The following WWOX variants were observed in gnomAD, a reference collection of about 807,000 sequenced individuals.
WWOX encodes the protein WW domain containing oxidoreductase.
In WWOX, 69 loss-of-function variants were observed where a neutral mutation model predicts 46.2. The observed-to-expected ratio is 1.49, with a 90% confidence interval of 1.23 to 1.82. The LOEUF (loss-of-function observed/expected upper bound fraction) is 1.82. Among genes scored for constraint, WWOX ranks in the 40% most tolerant of loss-of-function variants. WWOX has a pLI of 0.00. For missense variants in WWOX, 919 were observed against 542.6 expected (o/e 1.69, Z -6.89); for synonymous variants, 359 against 202.6 (o/e 1.77, Z -6.56).
Position 78,671,621 on chromosome 16 carries a change from A to T in WWOX, c.1056+238869A>T, listed in dbSNP as rs1351100528. Among the ~76,000 whole-genome samples the T allele has an allele frequency of 2.0e-5, 3 of 152,116 alleles. No individual in the cohort carries two copies. In the East Asian group the frequency reaches 5.8e-4, roughly 29 times the overall value. On this transcript the variant is annotated intron_variant, in intron 8 of 8. Coordinates refer to ENST00000566780, the MANE Select transcript of WWOX (RefSeq NM_016373.4). ...TGATTTTCTTACCTATAAAGTAGAGATTCCCTATCTCATTTGGAGGTGATT... is the reference window on the plus strand; with the variant it reads ...TGATTTTCTTACCTATAAAGTAGAGTTTCCCTATCTCATTTGGAGGTGATT...
chr16:79,015,732 C>T (rs1208302599), intron 8 of WWOX, among the ~76,000 whole-genome samples: 2 of 152,086 alleles, frequency 1.3e-5, no homozygotes, highest in Non-Finnish European at 2.9e-5. Context: ...GTCTCTGATC[C>T]TGATTTATTT....
At chr16:78,177,825 C>T (rs1453816178) in intron 5 of WWOX, among the ~76,000 whole-genome samples, 1 of 152,128 alleles carries the variant, frequency 6.6e-6, no homozygotes, top group Non-Finnish European at 1.5e-5. Context: ...GCCTGTTGGC[C>T]ATGGTCCTGG....
chr16:78,739,895 G>A (rs2049175240), intron 8 of WWOX, among the ~76,000 whole-genome samples: 1 of 152,116 alleles, frequency 6.6e-6, no homozygotes, highest in African/African-American at 2.4e-5. Flanking sequence ...TGAATAATCT[G>A]GGTCAGAGAA....
intron 8 of WWOX, among the ~76,000 whole-genome samples, chr16:78,874,626 G>C (rs1172985705): frequency 6.6e-6 from 1 of 151,768 alleles, no homozygotes; most frequent in Non-Finnish European, 1.5e-5. Context: ...TGTTGGCAAT[G>C]GGTAGTGGAC....
chr16:78,566,738 C>G (rs767054624), intron 8 of WWOX, among the ~76,000 whole-genome samples: 1 of 152,146 alleles, frequency 6.6e-6, no homozygotes, highest in Non-Finnish European at 1.5e-5. Flanking sequence ...ACTTCCTCCT[C>G]CTAGAATTCC....
chr16:78,806,677 T>C (rs538214011), intron 8 of WWOX, among the ~76,000 whole-genome samples: 5 of 152,264 alleles, frequency 3.3e-5, no homozygotes, highest in African/African-American at 9.6e-5. Flanking sequence ...AGATGCTGCA[T>C]TGCCTTTTAT....
intron 8 of WWOX, among the ~76,000 whole-genome samples, chr16:79,092,901 G>A (rs2150606960): frequency 6.6e-6 from 1 of 152,228 alleles, no homozygotes; most frequent in Admixed American, 6.5e-5. Context: ...AACTAGATAA[G>A]GCCCATTTTC....
intron 8 of WWOX, among the ~76,000 whole-genome samples, chr16:78,803,811 A>T (rs1476716635): frequency 1.3e-5 from 2 of 152,114 alleles, no homozygotes; most frequent in South Asian, 4.1e-4. Context: ...AAGTGGCATG[A>T]TGGAGGAATT....
chr16:78,752,213 G>T (rs941092376), intron 8 of WWOX, among the ~76,000 whole-genome samples: 2 of 152,312 alleles, frequency 1.3e-5, no homozygotes, highest in Admixed American at 1.3e-4. Flanking sequence ...TGAGTGACTT[G>T]AAATATTGGT....
At chr16:78,988,604 A>G (rs1178881799) in intron 8 of WWOX, among the ~76,000 whole-genome samples, 3 of 152,168 alleles carry the variant, frequency 2.0e-5, no homozygotes, top group Non-Finnish European at 4.4e-5. Flanking sequence ...CCATTGTTCA[A>G]GCCCTGCTAG....
intron 8 of WWOX, among the ~76,000 whole-genome samples, chr16:78,927,692 C>T (rs1270748406): frequency 6.6e-6 from 1 of 152,114 alleles, no homozygotes; most frequent in African/African-American, 2.4e-5. Context: ...TAATCAAGCA[C>T]TTATTTATTG....
chr16:78,507,814 A>T (rs2085251075), intron 8 of WWOX, among the ~76,000 whole-genome samples: 1 of 152,060 alleles, frequency 6.6e-6, no homozygotes, highest in African/African-American at 2.4e-5. Context: ...GGCGTGAAAG[A>T]TCCTCCGAAT....
intron 8 of WWOX, among the ~76,000 whole-genome samples, chr16:78,609,101 T>G (rs569312988): frequency 2.6e-5 from 4 of 152,272 alleles, no homozygotes; most frequent in African/African-American, 7.2e-5. Context: ...CCCACCAGAT[T>G]TATTTTTAAA....
In WWOX at chr16:78,349,170, A is replaced by G. The variant is rs1297312716; in HGVS notation, c.517-37690A>G. ...CGCCTTCCCACCGTGTTCTCACGTG[A>G]CCTAGCCGCTGTGTGCACGCATCCC... is the stretch of plus-strand genomic sequence containing the variant. On this transcript the variant is annotated intron_variant, in intron 5 of 8. Transcript: ENST00000566780. Among the ~76,000 whole-genome samples, 4 of 120,594 alleles carry G rather than the reference A, an allele frequency of 3.3e-5. 1 individual carries two copies. The highest frequency in any genetic ancestry group is 1.1e-4 in the African/African-American group (4 of 35,526). 79.1% of individuals were successfully genotyped at this position (120,594 alleles called of 152,430 possible).
intron 8 of WWOX, among the ~76,000 whole-genome samples, chr16:78,523,856 G>C (rs1178167384): frequency 2.0e-5 from 3 of 152,234 alleles, no homozygotes; most frequent in Non-Finnish European, 4.4e-5. Context: ...CCATAGTGCA[G>C]CTAGGAGCTA....
rs1455720800 is a variant in WWOX at position 79,211,957 on chromosome 16, G to T, written c.*161G>T. On this transcript the variant is annotated 3_prime_UTR_variant, in exon 9 of 9. Coordinates refer to ENST00000566780, the MANE Select transcript of WWOX (RefSeq NM_016373.4). The stretch of plus-strand genomic sequence containing the variant: ...GAGTGAAAAATCTTAAGTACCAATG[G>T]GAAGCAGGGAATTCCTGGGGTAAAG... 6.5e-7 allele frequency: 1 copy of T among 1,536,240 alleles called. No individual in the cohort carries two copies. The highest frequency in any genetic ancestry group is 8.7e-7 in the Non-Finnish European group (1 of 1,146,896).
intron 5 of WWOX, among the ~76,000 whole-genome samples, chr16:78,200,831 AG>A (rs2036207670): frequency 6.6e-6 from 1 of 152,128 alleles, no homozygotes; most frequent in African/African-American, 2.4e-5. Flanking sequence ...GCTGTGCTGG[AG>A]GGGAAAACAG....
At chr16:79,174,096 G>A (rs1244589101) in intron 8 of WWOX, among the ~76,000 whole-genome samples, 5 of 152,080 alleles carry the variant, frequency 3.3e-5, no homozygotes, top group East Asian at 1.9e-4. Flanking sequence ...ATCTTGTGAG[G>A]GCTTGGTTCC....
chr16:79,100,566 C>T (rs1478759725), intron 8 of WWOX, among the ~76,000 whole-genome samples: 2 of 152,142 alleles, frequency 1.3e-5, no homozygotes, highest in Admixed American at 6.6e-5. Context: ...TCTGCACAGA[C>T]AGCTCTTTTC....
Sources: gnomAD v4.1 joint callset for allele counts (sites outside exome capture counted in the v4.1 genomes callset) on GRCh38, gnomAD v4.1.1 for gene constraint, MANE v1.5 for transcripts, NCBI Gene and HGNC (gene_info 2026-07-23, HGNC 2026-07-21) for gene names.